BCL2: variants seen among roughly 807,000 people sequenced by gnomAD.
The protein encoded by BCL2 is BCL2 apoptosis regulator, also known as apoptosis regulator Bcl-2.
A neutral mutation model predicts 14.2 loss-of-function variants in BCL2; 1 was observed. The observed-to-expected ratio is 0.07, with a 90% CI of 0.02 to 0.33. The LOEUF is 0.33. Among genes scored for constraint, BCL2 ranks in the 10% least tolerant of loss-of-function variants. The probability of loss-of-function intolerance (pLI) is 0.99; values close to 1 mark genes in which losing one functional copy is unlikely to be tolerated. For missense variants in BCL2, 247 were observed against 305.9 expected, an observed-to-expected ratio of 0.81 and a Z score of 1.44; for synonymous variants, 151 against 137.2, an observed-to-expected ratio of 1.10 and a Z score of -0.70.
chr18:63,185,490 T>C (rs1915574085), intron 2 of BCL2, among the ~76,000 whole-genome samples: 1 of 152,242 alleles, frequency 6.6e-6, no homozygotes, highest in Admixed American at 6.5e-5. Context: ...AAGTGTTTCC[T>C]TCAGGGCTAG....
intron 2 of BCL2, among the ~76,000 whole-genome samples, chr18:63,286,226 G>T (rs1912469885): frequency 6.6e-6 from 1 of 152,152 alleles, no homozygotes; most frequent in Admixed American, 6.5e-5. Context: ...CCTTCACTAG[G>T]TTCAAACTTG....
At chr18:63,307,756 G>C (rs1213650139) in intron 2 of BCL2, among the ~76,000 whole-genome samples, 1 of 152,180 alleles carries the variant, frequency 6.6e-6, no homozygotes, top group East Asian at 1.9e-4. Context: ...TTCACTCATA[G>C]ATAAGCTGCT....
At chr18:63,317,894 C>A (rs1913545958) in intron 2 of BCL2, 188 bp downstream of exon 2, 2 of 1,425,676 alleles carry the variant, frequency 1.4e-6, no homozygotes, top group Admixed American at 5.9e-5. Context: ...AGATGGCAGG[C>A]GTTATCGGTC....
At chr18:63,186,729 A>G (rs750094138) in intron 2 of BCL2, among the ~76,000 whole-genome samples, 2 of 152,224 alleles carry the variant, frequency 1.3e-5, no homozygotes, top group Non-Finnish European at 2.9e-5. Flanking sequence ...AAGAACTCCA[A>G]ACAAAGGTTT....
chr18:63,294,941 A>G (rs1162168742), intron 2 of BCL2, among the ~76,000 whole-genome samples: 1 of 151,652 alleles, frequency 6.6e-6, no homozygotes, highest in Non-Finnish European at 1.5e-5. Context: ...TGGGTGGATC[A>G]CGAGGTCAAG....
chr18:63,194,485 C>T (rs1211019193), intron 2 of BCL2, among the ~76,000 whole-genome samples: 1 of 152,080 alleles, frequency 6.6e-6, no homozygotes, highest in African/African-American at 2.4e-5. Flanking sequence ...CAGGCGTGCG[C>T]TACCACGCCC....
intron 2 of BCL2, among the ~76,000 whole-genome samples, chr18:63,249,602 C>T (rs189765830): frequency 6.7e-6 from 1 of 148,624 alleles, no homozygotes; most frequent in Non-Finnish European, 1.5e-5. Flanking sequence ...TCCAGCTACT[C>T]GGGAGGCTGA....
rs535530600 is a variant in BCL2 at position 63,228,689 on chromosome 18, A to G, written c.585+89393T>C. Among the ~76,000 whole-genome samples, 5 of 147,346 alleles carry G rather than the reference A, an allele frequency of 3.4e-5. No individual in the cohort carries two copies. The South Asian group carries it at 1.1e-3, about 32-fold the overall frequency. ...ATGAATAAATGAACGGATCTGATAA[A>G]ACAGACTTTACAGCCAAAAGCAATT... On this transcript the variant is annotated intron_variant, in intron 2 of 2. Coordinates refer to ENST00000333681, the MANE Select transcript of BCL2 (RefSeq NM_000633.3).
At chr18:63,201,384 G>A (rs1430403685) in intron 2 of BCL2, among the ~76,000 whole-genome samples, 1 of 152,094 alleles carries the variant, frequency 6.6e-6, no homozygotes, top group African/African-American at 2.4e-5. Flanking sequence ...CTAATAGAAA[G>A]TACCTTGGGG....
At chr18:63,286,608 C>G (rs1912481850) in intron 2 of BCL2, among the ~76,000 whole-genome samples, 1 of 152,006 alleles carries the variant, frequency 6.6e-6, no homozygotes, top group Admixed American at 6.5e-5. Flanking sequence ...ACACCAAACT[C>G]TGTAGCTTGG....
intron 2 of BCL2, chr18:63,316,334 G>C (rs1219563534): frequency 6.6e-6 from 1 of 152,114 alleles, no homozygotes; most frequent in African/African-American, 2.4e-5. Flanking sequence ...AAATTTGTAA[G>C]TGTGAATTTT....
At chr18:63,160,803 T>C (rs1327508917) in intron 2 of BCL2, among the ~76,000 whole-genome samples, 1 of 151,932 alleles carries the variant, frequency 6.6e-6, no homozygotes, top group African/African-American at 2.4e-5. Context: ...ATCGCTTCCT[T>C]TGGGGTGGGG....
intron 2 of BCL2, among the ~76,000 whole-genome samples, chr18:63,147,317 G>A (rs778405183): frequency 3.3e-5 from 5 of 152,176 alleles, no homozygotes; most frequent in Non-Finnish European, 7.4e-5. Flanking sequence ...CTGGGACTCC[G>A]TTTTATGTTT....
intron 2 of BCL2, among the ~76,000 whole-genome samples, chr18:63,250,978 G>A (rs1293338526): frequency 6.6e-6 from 1 of 152,184 alleles, no homozygotes; most frequent in Non-Finnish European, 1.5e-5. Flanking sequence ...TTGTAGGGGA[G>A]AGAGAAATGG....
In BCL2 at chr18:63,126,504, G is replaced by A. The variant is rs1913915964; in HGVS notation, c.*2121C>T. On this transcript the variant is annotated 3_prime_UTR_variant, in exon 3 of 3. Coordinates refer to ENST00000333681, the MANE Select transcript of BCL2 (RefSeq NM_000633.3). ...TCCTGAATACCATGAATTAAATGCG[G>A]AATTGCCCAGGGACGAGGAAACCTT... The A allele has an allele frequency of 4.4e-6, 1 of 228,754 alleles. No homozygotes were observed. Among genetic ancestry groups the A allele is most frequent in the Non-Finnish European group, 8.7e-6 (1 of 115,314 alleles). The allele number at this position is 228,754 out of a possible 1,614,324, so 14.2% of individuals were successfully genotyped here.
At chr18:63,291,924 T>C (rs1312523127) in intron 2 of BCL2, among the ~76,000 whole-genome samples, 2 of 152,118 alleles carry the variant, frequency 1.3e-5, no homozygotes, top group African/African-American at 4.8e-5. Flanking sequence ...AAGATTCCCA[T>C]GGGAAGCAAG....
At chr18:63,134,785 C>T (rs1330696727) in intron 2 of BCL2, among the ~76,000 whole-genome samples, 1 of 152,200 alleles carries the variant, frequency 6.6e-6, no homozygotes, top group East Asian at 1.9e-4. Flanking sequence ...TGCAGAGTCT[C>T]ATCGGCAGTA....
At chr18:63,155,965 G>C (rs1041533391) in intron 2 of BCL2, among the ~76,000 whole-genome samples, 2 of 151,990 alleles carry the variant, frequency 1.3e-5, no homozygotes, top group African/African-American at 4.8e-5. Flanking sequence ...CCAAGGTGAG[G>C]GGCACTTGGT....
At chr18:63,236,122 T>C (rs1910823277) in intron 2 of BCL2, among the ~76,000 whole-genome samples, 1 of 152,044 alleles carries the variant, frequency 6.6e-6, no homozygotes, top group Admixed American at 6.6e-5. Context: ...TAAATGGGAG[T>C]TCCCCTGCAC....
Sources: gnomAD v4.1 joint callset for allele counts (sites outside exome capture counted in the v4.1 genomes callset) on GRCh38, gnomAD v4.1.1 for gene constraint, MANE v1.5 for transcripts, NCBI Gene and HGNC (gene_info 2026-07-23, HGNC 2026-07-21) for gene names.